LRRC4C: variants seen among roughly 807,000 people sequenced by gnomAD.
LRRC4C encodes leucine-rich repeat-containing protein 4C.
LRRC4C carries 5 observed loss-of-function variants against 33.6 expected under a neutral mutation model. The ratio of observed to expected loss-of-function variants is 0.15; its 90% CI spans 0.08 to 0.31. The LOEUF (loss-of-function observed/expected upper bound fraction) is 0.31. Ranked by LOEUF, LRRC4C falls within the 10% of genes least tolerant of loss-of-function variation. LRRC4C has a pLI of 1.00. For synonymous variants in LRRC4C, 329 were observed against 302.0 expected (o/e 1.09, Z -0.93); for missense variants, 560 against 796.7 (o/e 0.70, Z 3.58).
chr11:40,363,633 G>C (rs1948070619), intron 3 of LRRC4C, among the ~76,000 whole-genome samples: 1 of 151,914 alleles, frequency 6.6e-6, no homozygotes, highest in East Asian at 1.9e-4. Context: ...TCATATGTCT[G>C]ATGCATCTCA....
At chr11:40,309,662 C>T (rs142973104) in intron 4 of LRRC4C, among the ~76,000 whole-genome samples, 12 of 152,090 alleles carry the variant, frequency 7.9e-5, no homozygotes, top group South Asian at 4.2e-4. Flanking sequence ...TGCTTTACCA[C>T]GCCCAGCTAA....
In LRRC4C at chr11:40,116,302, A is replaced by G; in HGVS notation, c.-10T>C. The stretch of plus-strand genomic sequence containing the variant: ...TCATCTTGTTCAACATTCATAATTT[A>G]TCTGGTGTTGGTCCTTCTGGAATTC... On this transcript the variant is annotated 5_prime_UTR_variant, in exon 7 of 7. Transcript: ENST00000528697. The G allele has an allele frequency of 6.3e-7, 1 of 1,579,046 alleles. No individual in the cohort carries two copies. The highest frequency in any genetic ancestry group is 8.6e-7 in the Non-Finnish European group (1 of 1,158,454).
intron 5 of LRRC4C, among the ~76,000 whole-genome samples, chr11:40,216,117 C>T (rs1026756855): frequency 1.3e-5 from 2 of 152,090 alleles, no homozygotes; most frequent in Non-Finnish European, 2.9e-5. Context: ...AAGAAATTCT[C>T]CTTGTTAAAA....
At chr11:40,453,087 C>G (rs928390408) in intron 3 of LRRC4C, among the ~76,000 whole-genome samples, 1 of 151,878 alleles carries the variant, frequency 6.6e-6, no homozygotes, top group Admixed American at 6.6e-5. Flanking sequence ...TGTTAAATGA[C>G]GAGTTAATGG....
At chr11:40,236,952 G>A (rs1221238278) in intron 5 of LRRC4C, among the ~76,000 whole-genome samples, 1 of 152,146 alleles carries the variant, frequency 6.6e-6, no homozygotes, top group Non-Finnish European at 1.5e-5. Flanking sequence ...AATGTGCAGA[G>A]CTGAGAACAC....
At chr11:41,160,840 T>C (rs1231997048) in intron 1 of LRRC4C, among the ~76,000 whole-genome samples, 1 of 152,182 alleles carries the variant, frequency 6.6e-6, no homozygotes, top group Admixed American at 6.6e-5. Context: ...AGTAGTGAGA[T>C]ATTAAGTTCC....
chr11:41,169,526 A>AC (rs1328692079), intron 1 of LRRC4C, among the ~76,000 whole-genome samples: 1 of 152,148 alleles, frequency 6.6e-6, no homozygotes, highest in Non-Finnish European at 1.5e-5. Flanking sequence ...CCAGGGGATT[A>AC]TATCATAGAG....
chr11:40,869,284 T>C (rs1954520349), intron 2 of LRRC4C, among the ~76,000 whole-genome samples: 1 of 152,040 alleles, frequency 6.6e-6, no homozygotes, highest in South Asian at 2.1e-4. Flanking sequence ...CAATAACAGC[T>C]CTAGTATTAT....
chr11:41,319,098 G>A (rs866569114), intron 1 of LRRC4C, among the ~76,000 whole-genome samples: 4 of 152,162 alleles, frequency 2.6e-5, no homozygotes, highest in Non-Finnish European at 4.4e-5. Flanking sequence ...TCTTGAGGCC[G>A]CTTGTCTGAC....
At chr11:40,891,014 C>T (rs985895616) in intron 2 of LRRC4C, among the ~76,000 whole-genome samples, 3 of 151,896 alleles carry the variant, frequency 2.0e-5, no homozygotes, top group Non-Finnish European at 4.4e-5. Context: ...AGGCCGAAGC[C>T]GGGAGATCAC....
At chr11:40,511,540 A>G (rs754007449) in intron 3 of LRRC4C, among the ~76,000 whole-genome samples, 2 of 152,220 alleles carry the variant, frequency 1.3e-5, no homozygotes, top group Non-Finnish European at 2.9e-5. Flanking sequence ...AGAACACATT[A>G]TGAATTCAAT....
chr11:41,110,637 A>G (rs1941774808), intron 1 of LRRC4C, among the ~76,000 whole-genome samples: 1 of 151,954 alleles, frequency 6.6e-6, no homozygotes, highest in Admixed American at 6.6e-5. Context: ...AAAACTTTTT[A>G]TTGTTACGTT....
chr11:41,141,319 A>G (rs992049542), intron 1 of LRRC4C, among the ~76,000 whole-genome samples: 2 of 152,002 alleles, frequency 1.3e-5, no homozygotes, highest in Non-Finnish European at 2.9e-5. Context: ...CCTGCTCCCA[A>G]CAGAGCCACT....
intron 2 of LRRC4C, among the ~76,000 whole-genome samples, chr11:40,798,061 C>T (rs2135245382): frequency 6.6e-6 from 1 of 152,274 alleles, no homozygotes; most frequent in Middle Eastern, 3.4e-3. Flanking sequence ...ACTGGCAGCT[C>T]TTTGCTCCTA....
intron 1 of LRRC4C, among the ~76,000 whole-genome samples, chr11:41,086,714 A>T (rs1940014132): frequency 6.6e-6 from 1 of 152,142 alleles, no homozygotes; most frequent in Non-Finnish European, 1.5e-5. Context: ...TGCAGTTCAA[A>T]GCAGCTAAAA....
At chr11:41,101,797 C>G (rs182461880) in intron 1 of LRRC4C, among the ~76,000 whole-genome samples, 12 of 151,966 alleles carry the variant, frequency 7.9e-5, no homozygotes, top group African/African-American at 2.7e-4. Context: ...ACATATACAT[C>G]ACAGCCATAA....
At chr11:40,617,606 C>A (rs1961991241) in intron 3 of LRRC4C, among the ~76,000 whole-genome samples, 1 of 151,722 alleles carries the variant, frequency 6.6e-6, no homozygotes, top group African/African-American at 2.4e-5. Flanking sequence ...CATTCCTATG[C>A]TCACTTCTCT....
chr11:41,208,201 G>T (rs1946677338), intron 1 of LRRC4C, among the ~76,000 whole-genome samples: 1 of 152,168 alleles, frequency 6.6e-6, no homozygotes, highest in African/African-American at 2.4e-5. Context: ...AAGTGGCAAA[G>T]AATTTGGCTA....
Position 41,361,228 on chromosome 11 carries a change from A to T in LRRC4C, c.-496+98203T>A, listed in dbSNP as rs568777308. On this transcript the variant is annotated intron_variant, in intron 1 of 6. Transcript: ENST00000528697. ...TCACTGAATCGTGTTTGGAAAAGAA[A>T]CACTTTGGCTTTACCTTGTCTATTG... Among the ~76,000 whole-genome samples, 20 of 152,320 alleles carry T rather than the reference A, an allele frequency of 1.3e-4. 1 individual carries two copies. In the South Asian group the frequency reaches 2.9e-3, roughly 22 times the overall value.
Sources: gnomAD v4.1 joint callset for allele counts (sites outside exome capture counted in the v4.1 genomes callset) on GRCh38, gnomAD v4.1.1 for gene constraint, MANE v1.5 for transcripts, NCBI Gene and HGNC (gene_info 2026-07-23, HGNC 2026-07-21) for gene names.